BAIAP2L1: variants seen among roughly 807,000 people sequenced by gnomAD.
BAIAP2L1 encodes BAR/IMD domain containing adaptor protein 2 like 1, also known as BAR/IMD domain-containing adapter protein 2-like 1.
BAIAP2L1 carries 35 observed loss-of-function variants against 66.3 expected under a neutral mutation model. The observed-to-expected ratio is 0.53, with a 90% confidence interval of 0.40 to 0.70. The LOEUF (loss-of-function observed/expected upper bound fraction) is 0.70. Among genes scored for constraint, BAIAP2L1 ranks in the 30% least tolerant of loss-of-function variants. The pLI is 0.00. For synonymous variants in BAIAP2L1, 269 were observed against 248.7 expected (o/e 1.08, Z -0.77); for missense variants, 622 against 656.9 (o/e 0.95, Z 0.58).
At chr7:98,315,079 G>A (rs1274891128) in intron 7 of BAIAP2L1, among the ~76,000 whole-genome samples, 1 of 152,104 alleles carries the variant, frequency 6.6e-6, no homozygotes, top group Non-Finnish European at 1.5e-5. Context: ...GCTTTATATT[G>A]GGCATGTGTG....
At chr7:98,305,065 T>TC (rs1800599658) in intron 11 of BAIAP2L1, among the ~76,000 whole-genome samples, 1 of 146,856 alleles carries the variant, frequency 6.8e-6, no homozygotes, top group East Asian at 2.0e-4. Context: ...TTTTTTTTTT[T>TC]TTTTTAGTAG....
chr7:98,344,662 G>A (rs531494189), intron 3 of BAIAP2L1, among the ~76,000 whole-genome samples: 2 of 151,950 alleles, frequency 1.3e-5, no homozygotes, highest in Non-Finnish European at 2.9e-5. Flanking sequence ...TAGGCTGGGC[G>A]TTGTGGCTCA....
chr7:98,298,543 G>GTGGAT (rs1375212239), intron 12 of BAIAP2L1, among the ~76,000 whole-genome samples: 8 of 152,006 alleles, frequency 5.3e-5, no homozygotes, highest in Non-Finnish European at 1.2e-4. Flanking sequence ...AACCCAGGAG[G>GTGGAT]TGGAGTTTGC....
At chr7:98,384,989 G>GCA (rs1802853788) in intron 1 of BAIAP2L1, among the ~76,000 whole-genome samples, 1 of 152,076 alleles carries the variant, frequency 6.6e-6, no homozygotes, top group Admixed American at 6.6e-5. Context: ...ATGAGCCACG[G>GCA]CAATCAACCT....
chr7:98,390,006 C>G (rs1179227334), intron 1 of BAIAP2L1, among the ~76,000 whole-genome samples: 1 of 124,786 alleles, frequency 8.0e-6, no homozygotes, highest in African/African-American at 2.6e-5. Flanking sequence ...AGCTCCGCCT[C>G]CCGGGTTCAC....
At chr7:98,308,570 C>T (rs1800752206) in intron 9 of BAIAP2L1, 1 of 332,598 alleles carries the variant, frequency 3.0e-6, no homozygotes, top group Non-Finnish European at 6.0e-6. Context: ...GCAGGTTTGT[C>T]CCATACTCTC....
chr7:98,310,331 C>A lies in BAIAP2L1; in HGVS notation c.955+114G>T, dbSNP rs138856963. On this transcript the variant is annotated intron_variant, in intron 9 of 13. Transcript: ENST00000005260. ...GCCAGGGCTGAATGTATCTACCATA[C>A]CTGCTTGTTTACCTCCAAACCTTGC... 2.0e-4 allele frequency: 240 copies of A among 1,206,354 alleles called. 2 individuals are homozygous for A. The African/African-American group carries it at 3.2e-3, about 16-fold the overall frequency. 74.7% of individuals were successfully genotyped at this position (1,206,354 alleles called of 1,614,324 possible). A position where few individuals can be genotyped will look rare whatever the true frequency, so the allele number is the denominator to read the frequency against.
At chr7:98,315,746 G>A (rs1261654504) in intron 6 of BAIAP2L1, 134 bp from the exon 7 acceptor site, 6 of 379,652 alleles carry the variant, frequency 1.6e-5, no homozygotes, top group African/African-American at 8.3e-5. Context: ...TACATGAGAG[G>A]AAAGAATGCT....
chr7:98,292,402 G>A lies in BAIAP2L1; in HGVS notation c.*1119C>T, dbSNP rs986609223. 9 of 539,902 alleles carry A rather than the reference G, an allele frequency of 1.7e-5. No individual in the cohort carries two copies. Among genetic ancestry groups the A allele is most frequent in the African/African-American group, 1.3e-4 (7 of 52,040 alleles). The allele number at this position is 539,902 out of a possible 1,614,324, so 33.4% of individuals were successfully genotyped here. A position where few individuals can be genotyped will look rare whatever the true frequency, so the allele number is the denominator to read the frequency against. ...TTTTGTATTTTTAGTAGAGACTCCT[G>A]ACCTCAGGTGATCCCCCTGCCTCGG... On this transcript the variant is annotated 3_prime_UTR_variant, in exon 14 of 14. Coordinates refer to ENST00000005260, the MANE Select transcript of BAIAP2L1 (RefSeq NM_018842.5).
At chr7:98,334,266 C>G (rs1035978328) in intron 3 of BAIAP2L1, among the ~76,000 whole-genome samples, 10 of 152,150 alleles carry the variant, frequency 6.6e-5, no homozygotes, top group Non-Finnish European at 1.3e-4. Flanking sequence ...CTGAGTCACA[C>G]AGATCAGCAT....
At position 98,339,671 on chromosome 7, in the gene BAIAP2L1, C is replaced by A. The variant is rs116237780; in HGVS notation, c.214+15371G>T. On this transcript the variant is annotated intron_variant, in intron 3 of 13. Coordinates refer to ENST00000005260, the MANE Select transcript of BAIAP2L1 (RefSeq NM_018842.5). ...TCTCTTCAGCCTGTCACGGGAGCTA[C>A]GCCCTTTGCTGCTACCTGTGCGTGT... Among the ~76,000 whole-genome samples, 905 of 152,316 alleles carry A rather than the reference C, an allele frequency of 5.9e-3. 8 individuals are homozygous for A. Among genetic ancestry groups the A allele is most frequent in the African/African-American group, 0.02 (841 of 41,580 alleles).
chr7:98,358,129 C>T (rs1227482957), intron 2 of BAIAP2L1, among the ~76,000 whole-genome samples: 1 of 152,156 alleles, frequency 6.6e-6, no homozygotes, highest in Non-Finnish European at 1.5e-5. Flanking sequence ...TTTGCATCCA[C>T]ACATGAAATC....
Position 98,310,576 on chromosome 7 carries a change from T to A in BAIAP2L1, c.824A>T (p.Asp275Val), listed in dbSNP as rs781348688. The change falls in exon 9 of 14, where the codon GAC (aspartate) becomes GTC (valine). Residue 275 changes from aspartate (D) to valine (V), a missense_variant. Coordinates refer to ENST00000005260, the MANE Select transcript of BAIAP2L1 (RefSeq NM_018842.5). Reference protein sequence around the residue: ...ERSNVVRKDYDTLSKCSPKMP... With the variant: ...ERSNVVRKDYVTLSKCSPKMP... ...CTTTGGTGAGCATTTAGAAAGGGTG[T>A]CGTAATCTTTCCTAACCTGTGAAAA... is the stretch of plus-strand genomic sequence containing the variant. The A allele has an allele frequency of 3.1e-6, 5 of 1,589,342 alleles. No homozygotes were observed. The highest frequency in any genetic ancestry group is 4.3e-6 in the Non-Finnish European group (5 of 1,172,920).
rs748231017 is a variant in BAIAP2L1, at chr7:98,304,290, A to G, written c.1328T>C (p.Leu443Ser). 13 of 1,613,560 alleles carry G rather than the reference A, an allele frequency of 8.1e-6. No individual in the cohort carries two copies. Among genetic ancestry groups the G allele is most frequent in the Non-Finnish European group, 1.1e-5 (13 of 1,179,718 alleles). ...VIPPPDYLEC[L>S]SMGAAADRRA... ...CCTGTCGGCAGCTGCCCCCATGGACAAGCATTCCAAGTAGTCGGGTGGGGG... is the reference window on the plus strand; with the variant it reads ...CCTGTCGGCAGCTGCCCCCATGGACGAGCATTCCAAGTAGTCGGGTGGGGG... The change falls in exon 12 of 14, where the codon TTG (leucine) becomes TCG (serine). Residue 443 changes from leucine to serine, a missense_variant. By Grantham distance (145) the Leu-to-Ser change is moderately radical (BLOSUM62 -2). Transcript: ENST00000005260.
chr7:98,301,494 T>TATA (rs1562964491), intron 12 of BAIAP2L1, among the ~76,000 whole-genome samples: 3 of 149,364 alleles, frequency 2.0e-5, no homozygotes, highest in African/African-American at 2.5e-5. Flanking sequence ...TATATATATA[T>TATA]TTTAAGTGGA....
chr7:98,395,994 A>T (rs1460461439), intron 1 of BAIAP2L1, among the ~76,000 whole-genome samples: 2 of 152,210 alleles, frequency 1.3e-5, no homozygotes, highest in Non-Finnish European at 2.9e-5. Context: ...CAGACCTCCA[A>T]GGGAAACCTA....
chr7:98,301,615 C>G (rs1054586043), intron 12 of BAIAP2L1, among the ~76,000 whole-genome samples: 6 of 152,012 alleles, frequency 3.9e-5, no homozygotes, highest in African/African-American at 1.5e-4. Context: ...CCGTGCCCGG[C>G]CAAGCCTTCT....
chr7:98,373,219 C>T (rs995285361), intron 1 of BAIAP2L1, among the ~76,000 whole-genome samples: 2 of 152,158 alleles, frequency 1.3e-5, no homozygotes, highest in Admixed American at 6.6e-5. Context: ...TCACAAGAGT[C>T]ATGCTGTTCA....
intron 3 of BAIAP2L1, among the ~76,000 whole-genome samples, chr7:98,327,849 G>A (rs1379489416): frequency 6.6e-6 from 1 of 152,184 alleles, no homozygotes; most frequent in African/African-American, 2.4e-5. Flanking sequence ...ATCCAGTGTG[G>A]TTGAGGGAGG....
Sources: gnomAD v4.1 joint callset for allele counts (sites outside exome capture counted in the v4.1 genomes callset) on GRCh38, gnomAD v4.1.1 for gene constraint, MANE v1.5 for transcripts, NCBI Gene and HGNC (gene_info 2026-07-23, HGNC 2026-07-21) for gene names.